Variants in MYT1L observed in about 807,000 individuals in gnomAD.
The protein encoded by MYT1L is myelin transcription factor 1 like.
A neutral mutation model predicts 126.7 loss-of-function variants in MYT1L; 12 were observed. That is an observed-to-expected ratio of 0.09 (90% CI 0.06 to 0.15). MYT1L has a LOEUF of 0.15. MYT1L is among the 10% of genes least tolerant of loss of function. MYT1L has a pLI of 1.00. For synonymous variants in MYT1L, 541 were observed against 604.2 expected (o/e 0.90, Z 1.53); for missense variants, 979 against 1,585.2 (o/e 0.62, Z 6.49).
At chr2:1,981,613 G>A (rs58497018) in intron 5 of MYT1L, among the ~76,000 whole-genome samples, 3 of 152,360 alleles carry the variant, frequency 2.0e-5, no homozygotes, top group East Asian at 1.9e-4. Flanking sequence ...CCAGGGCCAC[G>A]TGCAGTGTTG....
At chr2:2,251,458 A>G (rs1179556553) in intron 2 of MYT1L, among the ~76,000 whole-genome samples, 6 of 152,172 alleles carry the variant, frequency 3.9e-5, no homozygotes, top group Non-Finnish European at 8.8e-5. Context: ...TTCCAGGTGC[A>G]GAAACCTGGC....
chr2:1,838,788 C>T (rs1284608988), intron 21 of MYT1L, among the ~76,000 whole-genome samples: 2 of 152,180 alleles, frequency 1.3e-5, no homozygotes, highest in Admixed American at 1.3e-4. Flanking sequence ...TCCTCTTTCC[C>T]CCAATGACGC....
At position 2,284,962 on chromosome 2, in the gene MYT1L, C is replaced by A. The variant is rs548921239; in HGVS notation, c.-520-459G>T. ...TGATCTCCTGACCTCGGGATCCGCC[C>A]ACCTTAGCCTCCCAAAGTGCTGGGA... On this transcript the variant is annotated intron_variant, in intron 1 of 24. Transcript: ENST00000647738. Among the ~76,000 whole-genome samples, 321 of 152,280 alleles carry A rather than the reference C, an allele frequency of 2.1e-3. 1 individual carries two copies. The highest frequency in any genetic ancestry group is 3.7e-3 in the Admixed American group (56 of 15,298).
chr2:1,943,135 C>T lies in MYT1L; in HGVS notation c.352G>A (p.Gly118Arg). Residue 118 changes from glycine (G) to arginine (R), a missense_variant, in exon 9 of 25, where the codon GGG becomes AGG. Physicochemically the swap from Gly to Arg is moderately radical, Grantham distance 125 (BLOSUM62 -2). This residue lies in a region of MYT1L where 111 missense variants were observed against 115.9 expected (regional missense o/e 0.96). Coordinates refer to ENST00000647738, the MANE Select transcript of MYT1L (RefSeq NM_001303052.2). The surrounding 1 kb of genome is among the most constrained non-coding windows in gnomAD (Gnocchi z 4.4). ...TCCTCGTCCTCCTCGTCCTCATCCC[C>T]TGGCTCATCATTGTCCTCGGAGTAC... ...EEYSEDNDEP[G>R]DEDEEDEEGD... 6.5e-7 allele frequency: 1 copy of T among 1,531,168 alleles called. No homozygotes were observed. The highest frequency in any genetic ancestry group is 8.9e-7 in the Non-Finnish European group (1 of 1,128,606). The allele number at this position is 1,531,168 out of a possible 1,614,324, so 94.8% of individuals were successfully genotyped here. A position where few individuals can be genotyped will look rare whatever the true frequency, so the allele number is the denominator to read the frequency against.
In MYT1L at chr2:1,922,171, T is replaced by C; in HGVS notation, c.1483+115A>G. On this transcript the variant is annotated intron_variant, in intron 10 of 24. Coordinates refer to ENST00000647738, the MANE Select transcript of MYT1L (RefSeq NM_001303052.2). This position sits in a 1 kb window ranked among gnomAD's most constrained non-coding sequence, Gnocchi z 7.4. ...ATCCTTCTGGAATCAACTCTAAGAATGTGCAGTAGAGACATAATTCAGTGT... is the reference window on the plus strand; with the variant it reads ...ATCCTTCTGGAATCAACTCTAAGAACGTGCAGTAGAGACATAATTCAGTGT... The C allele has an allele frequency of 1.5e-6, 2 of 1,314,312 alleles. No homozygotes were observed. Among genetic ancestry groups the C allele is most frequent in the Non-Finnish European group, 2.1e-6 (2 of 968,162 alleles). The allele number at this position is 1,314,312 out of a possible 1,614,324, so 81.4% of individuals were successfully genotyped here.
intron 14 of MYT1L, among the ~76,000 whole-genome samples, chr2:1,902,296 G>A (rs751532022): frequency 1.3e-5 from 2 of 152,208 alleles, no homozygotes; most frequent in Admixed American, 6.5e-5. Flanking sequence ...CATGAAGCCC[G>A]TGGCACTGTG....
Position 2,005,352 on chromosome 2 carries a change from C to T in MYT1L, c.-157-8005G>A, listed in dbSNP as rs578258329. ...CGTTCTTTCCTGTGTGCCTTTCCTG[C>T]ATGCGTTCTTTCCTGCATGCCTTCT... On this transcript the variant is annotated intron_variant, in intron 4 of 24. Transcript: ENST00000647738. 4.0e-4 allele frequency among the ~76,000 whole-genome samples: 60 copies of T among 148,594 alleles called. 1 individual carries two copies. The highest frequency in any genetic ancestry group is 1.4e-3 in the African/African-American group (58 of 40,188).
intron 4 of MYT1L, among the ~76,000 whole-genome samples, chr2:1,999,635 T>C (rs2149634166): frequency 6.6e-6 from 1 of 152,278 alleles, no homozygotes; most frequent in Non-Finnish European, 1.5e-5. Flanking sequence ...AAACTCAACA[T>C]AATCTATTAA....
At chr2:2,079,032 C>A (rs1642078776) in intron 3 of MYT1L, among the ~76,000 whole-genome samples, 1 of 152,174 alleles carries the variant, frequency 6.6e-6, no homozygotes, top group Admixed American at 6.5e-5. Flanking sequence ...AGTGAGAAGA[C>A]AAATGCCTGC....
intron 19 of MYT1L, among the ~76,000 whole-genome samples, chr2:1,846,102 C>A (rs115452996): frequency 1.3e-5 from 2 of 152,210 alleles, no homozygotes; most frequent in Admixed American, 6.5e-5. Context: ...AGTGCCATCC[C>A]GACCTGGAGG....
At chr2:2,272,840 A>AC (rs1189213946) in intron 2 of MYT1L, among the ~76,000 whole-genome samples, 1 of 151,798 alleles carries the variant, frequency 6.6e-6, no homozygotes, top group Non-Finnish European at 1.5e-5. Flanking sequence ...TCTTTCTCAC[A>AC]CCCCATGACA....
At chr2:2,269,042 C>T (rs1237268273) in intron 2 of MYT1L, among the ~76,000 whole-genome samples, 1 of 151,946 alleles carries the variant, frequency 6.6e-6, no homozygotes, top group African/African-American at 2.4e-5. Context: ...CTGTGTTTCT[C>T]TTCCATCAGC....
chr2:2,325,014 G>A (rs1431180264), intron 1 of MYT1L: 2 of 152,402 alleles, frequency 1.3e-5, no homozygotes, highest in Non-Finnish European at 2.9e-5. Flanking sequence ...TGTGTATCAT[G>A]AGCAGTGCTG....
rs367755261 is a variant in MYT1L, at chr2:2,101,930, G to T, written c.-303-47807C>A. Among the ~76,000 whole-genome samples, 18 of 152,340 alleles carry T rather than the reference G, an allele frequency of 1.2e-4. No homozygotes were observed. The East Asian group carries it at 1.7e-3, about 15-fold the overall frequency. On this transcript the variant is annotated intron_variant, in intron 3 of 24. Transcript: ENST00000647738. ...CACCAGTCATAACCTTTCTTGAAAA[G>T]CAGGACCTATGATTAGGTTTCTCCA...
chr2:1,894,175 C>A (rs1452448979), intron 14 of MYT1L, among the ~76,000 whole-genome samples: 1 of 152,232 alleles, frequency 6.6e-6, no homozygotes. Flanking sequence ...ACAGCTGTCC[C>A]TGAGAAGCGT....
In MYT1L at chr2:1,789,466, A is replaced by T. The variant is rs573182262; in HGVS notation, c.*2401T>A. Reference sequence around the variant, plus strand: ...TGAAAGGTCAGCATTCTAATATGTGACACTTTTGTGATCCCTATATAATAG... The same window carrying T: ...TGAAAGGTCAGCATTCTAATATGTGTCACTTTTGTGATCCCTATATAATAG... On this transcript the variant is annotated 3_prime_UTR_variant, in exon 25 of 25. Transcript: ENST00000647738. The T allele has an allele frequency of 1.3e-5, 2 of 152,374 alleles. No homozygotes were observed. The highest frequency in any genetic ancestry group is 3.9e-4 in the East Asian group (2 of 5,194). 9.4% of individuals were successfully genotyped at this position (152,374 alleles called of 1,614,324 possible).
At position 2,197,751 on chromosome 2, in the gene MYT1L, GCACACA is replaced by G. The variant is rs140667495; in HGVS notation, c.-420-24769_-420-24764del. 4.4e-4 allele frequency among the ~76,000 whole-genome samples: 55 copies of G among 124,298 alleles called. 1 individual carries two copies. The highest frequency in any genetic ancestry group is 1.1e-3 in the Admixed American group (13 of 11,796). The allele number at this position is 124,298 out of a possible 152,430, so 81.5% of individuals were successfully genotyped here. ...ATAACACACACATATATACACACAT[GCACACA>G]CACACACAATGAATGTGTAGAGATG... On this transcript the variant is annotated intron_variant, in intron 2 of 24. Transcript: ENST00000647738.
intron 2 of MYT1L, among the ~76,000 whole-genome samples, chr2:2,185,904 C>T (rs1559271552): frequency 8.7e-5 from 11 of 125,996 alleles, no homozygotes; most frequent in African/African-American, 3.1e-4. Context: ...GCCGGGCCTT[C>T]CGGGCCTTCC....
At chr2:1,857,026 G>A (rs377146292) in intron 18 of MYT1L, among the ~76,000 whole-genome samples, 19 of 152,318 alleles carry the variant, frequency 1.2e-4, no homozygotes, top group African/African-American at 4.6e-4. Context: ...AGTGCACGCG[G>A]AGGCTCAGAG....
Sources: gnomAD v4.1 joint callset for allele counts (sites outside exome capture counted in the v4.1 genomes callset) on GRCh38, gnomAD v4.1.1 for gene constraint, gnomAD v4.1.1 regional missense constraint, Gnocchi (gnomAD v3.1) non-coding constraint, MANE v1.5 for transcripts, NCBI Gene and HGNC (gene_info 2026-07-23, HGNC 2026-07-21) for gene names.